Variants in OXLD1 observed in about 807,000 individuals in gnomAD.
OXLD1 encodes the protein oxidoreductase-like domain-containing protein 1.
OXLD1 carries 4 observed loss-of-function variants against 3.1 expected under a neutral mutation model. That is an observed-to-expected ratio of 1.28 (90% CI 0.63 to 2.92). The LOEUF is 2.92. Ranked by LOEUF, OXLD1 falls within the 30% of genes most tolerant of loss-of-function variation. The pLI is 0.01. For synonymous variants in OXLD1, 100 were observed against 87.0 expected (o/e 1.15, Z -0.83); for missense variants, 240 against 204.6 (o/e 1.17, Z -1.05).
chr17:81,666,006 T>C, intron 1 of OXLD1: 1 of 393,788 alleles, frequency 2.5e-6, no homozygotes, highest in Admixed American at 4.2e-5. Context: ...ACCGGAAGAA[T>C]CGCACCACCC....
At chr17:81,666,307 C>G in intron 1 of OXLD1, 1 of 542,744 alleles carries the variant, frequency 1.8e-6, no homozygotes, top group Non-Finnish European at 3.1e-6. Flanking sequence ...GGCTAAGCGG[C>G]CCCTCCACAG....
chr17:81,665,739 T>A, intron 1 of OXLD1, 155 bp from the exon 2 acceptor site: 1 of 831,788 alleles, frequency 1.2e-6, no homozygotes, highest in Non-Finnish European at 1.8e-6. Flanking sequence ...TTATTTCACC[T>A]CTCTAGACTC....
chr17:81,666,283 G>A, intron 1 of OXLD1: 1 of 498,130 alleles, frequency 2.0e-6, no homozygotes, highest in Non-Finnish European at 3.5e-6. Context: ...TCACCGGGCT[G>A]CTTCCTCTCC....
In OXLD1 at chr17:81,666,526, G is replaced by A. The variant is rs1212367522; in HGVS notation, c.52C>T (p.Arg18Cys). Residue 18 changes from arginine to cysteine, a missense_variant, in exon 1 of 2, where the codon CGT becomes TGT. Coordinates refer to ENST00000374741, the MANE Select transcript of OXLD1 (RefSeq NM_001039842.3). The part of the protein sequence containing the change: ...EGGRAVAAAV[R>C]GSGARRFSSP... ...CCCGTCCTGGTACTTGCCGAGCCAC[G>A]GACCGCGGCGGCTACCGCCCGGCCT... 4 of 1,522,364 alleles carry A rather than the reference G, an allele frequency of 2.6e-6. No individual in the cohort carries two copies. The highest frequency in any genetic ancestry group is 2.6e-6 in the Non-Finnish European group (3 of 1,144,206). 94.3% of individuals were successfully genotyped at this position (1,522,364 alleles called of 1,614,324 possible). A position where few individuals can be genotyped will look rare whatever the true frequency, so the allele number is the denominator to read the frequency against.
intron 1 of OXLD1, 124 bp downstream of exon 1, chr17:81,666,394 C>G (rs1370455432): frequency 8.4e-7 from 1 of 1,193,864 alleles, no homozygotes. Context: ...AGCGCGCGAT[C>G]CTCCCGGCTC....
rs754547732 is a variant in OXLD1, at chr17:81,665,574, C to G, written c.71G>C (p.Arg24Pro). Residue 24 changes from arginine (R) to proline (P), a missense_variant, in exon 2 of 2, where the codon CGG becomes CCG. Arg to Pro is a moderately radical substitution (Grantham distance 103). Coordinates refer to ENST00000374741, the MANE Select transcript of OXLD1 (RefSeq NM_001039842.3). ...CTGGCAGCAGTCCGGGCTGGAGAAC[C>G]GGCGAGCCCCCTGAGGATGCAGACA... ...AAAVRGSGAR[R>P]FSSPDCCQRL... 3.8e-6 allele frequency: 6 copies of G among 1,587,030 alleles called. No individual in the cohort carries two copies. The South Asian group carries it at 4.5e-5, about 12-fold the overall frequency.
Position 81,665,354 on chromosome 17 carries a change from G to T in OXLD1, c.291C>A (p.Asn97Lys). 6.2e-7 allele frequency: 1 copy of T among 1,613,502 alleles called. No individual in the cohort carries two copies. The highest frequency in any genetic ancestry group is 8.5e-7 in the Non-Finnish European group (1 of 1,180,034). ...TGTCCGCGTACTCCACCCACACGCA[G>T]TTGGGGCAGCCACTCATGCAGCAGT... is the stretch of plus-strand genomic sequence containing the variant. ...PTNCCMSGCP[N>K]CVWVEYADRL... The change falls in exon 2 of 2, where the codon AAC becomes AAA. Residue 97 changes from asparagine (N) to lysine (K), a missense_variant. Coordinates refer to ENST00000374741, the MANE Select transcript of OXLD1 (RefSeq NM_001039842.3).
Position 81,665,117 on chromosome 17 carries a change from G to A in OXLD1, c.*84C>T. 1.4e-6 allele frequency: 2 copies of A among 1,442,076 alleles called. No individual in the cohort carries two copies. The highest frequency in any genetic ancestry group is 9.3e-7 in the Non-Finnish European group (1 of 1,072,172). 89.3% of individuals were successfully genotyped at this position (1,442,076 alleles called of 1,614,324 possible). A position where few individuals can be genotyped will look rare whatever the true frequency, so the allele number is the denominator to read the frequency against. ...TTCTTCCTATTCCCGTTGGACACAA[G>A]GAGTCTGTGAGGGGGTGTGAAGGAA... On this transcript the variant is annotated 3_prime_UTR_variant, in exon 2 of 2. Transcript: ENST00000374741.
At chr17:81,666,088 G>A (rs2036608700) in intron 1 of OXLD1, 1 of 422,252 alleles carries the variant, frequency 2.4e-6, no homozygotes, top group Non-Finnish European at 4.2e-6. Context: ...ATGTCCTATA[G>A]GCAGTCTTCC....
rs781438420 is a variant in OXLD1 at position 81,665,226 on chromosome 17, C to A, written c.419G>T (p.Arg140Leu). The A allele has an allele frequency of 1.2e-6, 2 of 1,612,254 alleles. No homozygotes were observed. The highest frequency in any genetic ancestry group is 2.2e-5 in the South Asian group (2 of 90,976). The change falls in exon 2 of 2, where the codon CGG becomes CTG. Residue 140 changes from arginine (R) to leucine (L), a missense_variant. By Grantham distance (102) the Arg-to-Leu change is moderately radical. Coordinates refer to ENST00000374741, the MANE Select transcript of OXLD1 (RefSeq NM_001039842.3). Reference sequence around the variant, plus strand: ...TCAGCCTCCGCACCTGGTGTGCAGCCGGATCTCCATCCTGAGGAAGGCCTT... The same window carrying A: ...TCAGCCTCCGCACCTGGTGTGCAGCAGGATCTCCATCCTGAGGAAGGCCTT... ...NLKAFLRMEIRLHTRCGG is the reference protein window; with the variant it reads ...NLKAFLRMEILLHTRCGG
chr17:81,666,499 G>A lies in OXLD1; in HGVS notation c.60+19C>T, dbSNP rs1465298094. 2 of 1,534,434 alleles carry A rather than the reference G, an allele frequency of 1.3e-6. No homozygotes were observed. Among genetic ancestry groups the A allele is most frequent in the South Asian group, 2.4e-5 (2 of 83,078 alleles). ...CGGACGTGCCCTTCGGCGCTGCCAA[G>A]ACCCGTCCTGGTACTTGCCGAGCCA... On this transcript the variant is annotated intron_variant, in intron 1 of 1. Coordinates refer to ENST00000374741, the MANE Select transcript of OXLD1 (RefSeq NM_001039842.3).
chr17:81,665,946 G>A, intron 1 of OXLD1: 1 of 381,584 alleles, frequency 2.6e-6, no homozygotes, highest in Non-Finnish European at 4.7e-6. Context: ...CTCCTGGCCA[G>A]CCCAGCACCT....
In OXLD1 at chr17:81,666,507, C is replaced by T; in HGVS notation, c.60+11G>A. ...CCCTTCGGCGCTGCCAAGACCCGTCCTGGTACTTGCCGAGCCACGGACCGC... is the reference window on the plus strand; with the variant it reads ...CCCTTCGGCGCTGCCAAGACCCGTCTTGGTACTTGCCGAGCCACGGACCGC... On this transcript the variant is annotated intron_variant, in intron 1 of 1. Coordinates refer to ENST00000374741, the MANE Select transcript of OXLD1 (RefSeq NM_001039842.3). 1.3e-6 allele frequency: 2 copies of T among 1,526,648 alleles called. No individual in the cohort carries two copies. Among genetic ancestry groups the T allele is most frequent in the Non-Finnish European group, 1.7e-6 (2 of 1,146,170 alleles). 94.6% of individuals were successfully genotyped at this position (1,526,648 alleles called of 1,614,324 possible).
At chr17:81,665,882 A>G in intron 1 of OXLD1, 1 of 470,074 alleles carries the variant, frequency 2.1e-6, no homozygotes, top group Non-Finnish European at 3.8e-6. Context: ...CGACACCTCC[A>G]GCTAAGATGG....
Position 81,665,666 on chromosome 17 carries a change from T to C in OXLD1, c.61-82A>G. 4 of 1,466,364 alleles carry C rather than the reference T, an allele frequency of 2.7e-6. No individual in the cohort carries two copies. The South Asian group carries it at 4.1e-5, about 15-fold the overall frequency. 90.8% of individuals were successfully genotyped at this position (1,466,364 alleles called of 1,614,324 possible). A position where few individuals can be genotyped will look rare whatever the true frequency, so the allele number is the denominator to read the frequency against. The stretch of plus-strand genomic sequence containing the variant: ...CCCAGCAGTGAGGACATTTCAGCTC[T>C]CCTGTCATTGGGCAACTGGCTCCAT... On this transcript the variant is annotated intron_variant, in intron 1 of 1. Transcript: ENST00000374741.
Position 81,666,449 on chromosome 17 carries a change from T to G in OXLD1, c.60+69A>C, listed in dbSNP as rs369732547. ...AGGGGCCGGGGCTCCTCCCGGTACG[T>G]GCGGGCCCCCGGACAGCGGCCTCTC... is the stretch of plus-strand genomic sequence containing the variant. On this transcript the variant is annotated intron_variant, in intron 1 of 1. Coordinates refer to ENST00000374741, the MANE Select transcript of OXLD1 (RefSeq NM_001039842.3). 72 of 1,501,796 alleles carry G rather than the reference T, an allele frequency of 4.8e-5. No individual in the cohort carries two copies. The East Asian group carries it at 1.3e-3, about 27-fold the overall frequency. 93.0% of individuals were successfully genotyped at this position (1,501,796 alleles called of 1,614,324 possible).
chr17:81,665,222 C>A lies in OXLD1; in HGVS notation c.423G>T (p.Leu141=). ...TGGCTCAGCCTCCGCACCTGGTGTG[C>A]AGCCGGATCTCCATCCTGAGGAAGG... ...LKAFLRMEIR[L]HTRCGG The change falls in exon 2 of 2, where the codon CTG becomes CTT. Residue 141 remains leucine (L), a synonymous_variant. Transcript: ENST00000374741. 6.2e-7 allele frequency: 1 copy of A among 1,611,602 alleles called. No homozygotes were observed. The highest frequency in any genetic ancestry group is 8.5e-7 in the Non-Finnish European group (1 of 1,178,788).
At chr17:81,666,431 G>A (rs897807047) in intron 1 of OXLD1, 87 bp downstream of exon 1, 122 of 1,455,470 alleles carry the variant, frequency 8.4e-5, no homozygotes, top group Non-Finnish European at 1.1e-4. Context: ...TGGAGGGGCC[G>A]GGGCTCCTCC....
At chr17:81,666,418 G>T in intron 1 of OXLD1, 100 bp downstream of exon 1, 1 of 1,384,514 alleles carries the variant, frequency 7.2e-7, no homozygotes, top group Non-Finnish European at 9.7e-7. Flanking sequence ...CCCCACATGC[G>T]GGTGGAGGGG....
Sources: allele counts gnomAD v4.1 joint callset, GRCh38; gene constraint gnomAD v4.1.1; transcripts MANE v1.5; gene names NCBI Gene and HGNC (gene_info 2026-07-23, HGNC 2026-07-21).